ANXA4: variants seen among roughly 807,000 people sequenced by gnomAD.
ANXA4 encodes 35-beta calcimedin.
ANXA4 carries 39 observed loss-of-function variants against 49.8 expected under a neutral mutation model. The observed-to-expected ratio is 0.78, with a 90% confidence interval of 0.61 to 1.02. The LOEUF is 1.02. ANXA4 is among the 50% of genes least tolerant of loss of function. The pLI is 0.00. For missense variants in ANXA4, 360 were observed against 410.1 expected (o/e 0.88, Z 1.05); for synonymous variants, 134 against 152.5 (o/e 0.88, Z 0.89).
At chr2:69,690,629 T>C (rs1469664428) in intron 2 of ANXA4, among the ~76,000 whole-genome samples, 1 of 152,228 alleles carries the variant, frequency 6.6e-6, no homozygotes, top group East Asian at 1.9e-4. Flanking sequence ...GAGCAAAGGT[T>C]CTACATTTTT....
intron 2 of ANXA4, among the ~76,000 whole-genome samples, chr2:69,707,841 T>G (rs1176799663): frequency 4.6e-5 from 7 of 152,248 alleles, no homozygotes; most frequent in Admixed American, 4.6e-4. Flanking sequence ...TCTATTTTTT[T>G]GTACCCATTA....
At chr2:69,662,464 A>G (rs1343020533) in intron 2 of ANXA4, among the ~76,000 whole-genome samples, 1 of 152,004 alleles carries the variant, frequency 6.6e-6, no homozygotes, top group African/African-American at 2.4e-5. Flanking sequence ...GGTGCAAAGA[A>G]TTTGCAGCCA....
At chr2:69,786,068 A>G (rs1382194341) in intron 2 of ANXA4, among the ~76,000 whole-genome samples, 1 of 152,200 alleles carries the variant, frequency 6.6e-6, no homozygotes, top group African/African-American at 2.4e-5. Flanking sequence ...TCTTTTTGAC[A>G]ATTCCACTTG....
chr2:69,737,328 A>G (rs550960619), upstream of ANXA4, among the ~76,000 whole-genome samples: 1 of 152,244 alleles, frequency 6.6e-6, no homozygotes, highest in Admixed American at 6.5e-5. Context: ...GAGCACTTTC[A>G]ATGTGGAAAT....
At chr2:69,661,416 G>A (rs1676713529) in intron 2 of ANXA4, among the ~76,000 whole-genome samples, 1 of 152,056 alleles carries the variant, frequency 6.6e-6, no homozygotes. Context: ...GGCTGAGGAA[G>A]GAGGATTGCT....
chr2:69,738,460 C>G (rs1238744887), upstream of ANXA4, among the ~76,000 whole-genome samples: 1 of 152,098 alleles, frequency 6.6e-6, no homozygotes, highest in Non-Finnish European at 1.5e-5. Context: ...TAGCCCTAGT[C>G]TTGTGTTAAT....
intron 1 of ANXA4, among the ~76,000 whole-genome samples, chr2:69,751,139 A>G (rs1361197758): frequency 6.6e-6 from 1 of 152,148 alleles, no homozygotes; most frequent in African/African-American, 2.4e-5. Context: ...AATTTGCTCA[A>G]AGTTGCACAC....
upstream of ANXA4, among the ~76,000 whole-genome samples, chr2:69,644,165 T>TTCCCCCC (rs1553424953): frequency 1.9e-4 from 4 of 21,140 alleles, no homozygotes; most frequent in Non-Finnish European, 2.5e-4. Flanking sequence ...ACAACTAAGT[T>TTCCCCCC]CCCCCCCCCC....
chr2:69,806,545 T>C lies in ANXA4; in HGVS notation c.306+47T>C, dbSNP rs1673451425. 6.1e-6 allele frequency: 9 copies of C among 1,477,664 alleles called. No homozygotes were observed. In the South Asian group the frequency reaches 1.0e-4, roughly 17 times the overall value. The allele number at this position is 1,477,664 out of a possible 1,614,324, so 91.5% of individuals were successfully genotyped here. ...CTCTTGGTGCTGTTGGTGCAAACGC[T>C]GATGTGCTTTCTTAAGAAACTGTCA... On this transcript the variant is annotated intron_variant, in intron 5 of 12. Transcript: ENST00000394295.
chr2:69,800,691 G>T (rs1332469444), intron 3 of ANXA4, among the ~76,000 whole-genome samples: 2 of 152,142 alleles, frequency 1.3e-5, no homozygotes, highest in Admixed American at 6.5e-5. Flanking sequence ...AGAATTAAGG[G>T]ACAAGGTGTT....
intron 1 of ANXA4, among the ~76,000 whole-genome samples, chr2:69,748,326 C>A (rs1457611646): frequency 6.6e-6 from 1 of 151,526 alleles, no homozygotes; most frequent in African/African-American, 2.4e-5. Flanking sequence ...TTGCAGTGAG[C>A]CGAGATCACG....
intron 2 of ANXA4, among the ~76,000 whole-genome samples, chr2:69,659,750 A>C (rs1198560357): frequency 2.0e-5 from 3 of 152,188 alleles, no homozygotes; most frequent in Non-Finnish European, 2.9e-5. Flanking sequence ...ATGAGACTTT[A>C]AATGTAGAGC....
upstream of ANXA4, among the ~76,000 whole-genome samples, chr2:69,740,715 CT>C (rs1670368656): frequency 8.8e-6 from 1 of 114,128 alleles, no homozygotes; most frequent in African/African-American, 3.6e-5. Context: ...CAATGTCTCA[CT>C]CTGTCGCCCA....
intron 1 of ANXA4, among the ~76,000 whole-genome samples, chr2:69,749,192 G>A (rs76117576): frequency 0.019 from 2,826 of 152,280 alleles, 89 homozygotes; most frequent in African/African-American, 0.065. Flanking sequence ...TGTGTTGACA[G>A]ACTTTTGTCT....
At chr2:69,661,904 C>G (rs945368696) in intron 2 of ANXA4, among the ~76,000 whole-genome samples, 1 of 152,156 alleles carries the variant, frequency 6.6e-6, no homozygotes, top group Admixed American at 6.6e-5. Flanking sequence ...TGATTGGAAG[C>G]ATGTTCTCTG....
intron 3 of ANXA4, among the ~76,000 whole-genome samples, chr2:69,795,677 A>G (rs1456002979): frequency 1.3e-5 from 2 of 152,172 alleles, no homozygotes; most frequent in South Asian, 2.1e-4. Context: ...AGCTTGACCT[A>G]TTCTTCCTTG....
intron 2 of ANXA4, among the ~76,000 whole-genome samples, chr2:69,672,745 G>A (rs1478555493): frequency 6.6e-6 from 1 of 152,102 alleles, no homozygotes; most frequent in Non-Finnish European, 1.5e-5. Flanking sequence ...AAATGGGTTT[G>A]GGGAGAGGTT....
At chr2:69,804,152 A>C (rs948478476) in intron 3 of ANXA4, among the ~76,000 whole-genome samples, 1 of 151,508 alleles carries the variant, frequency 6.6e-6, no homozygotes, top group African/African-American at 2.4e-5. Context: ...AAAAAAAAAA[A>C]AAAAAAATAT....
intron 2 of ANXA4, among the ~76,000 whole-genome samples, chr2:69,675,761 T>G (rs1483805997): frequency 6.6e-6 from 1 of 152,058 alleles, no homozygotes; most frequent in Middle Eastern, 3.2e-3. Context: ...TAAAAATGGT[T>G]AAAATGAATC....
Sources: gnomAD v4.1 joint callset for allele counts (sites outside exome capture counted in the v4.1 genomes callset) on GRCh38, gnomAD v4.1.1 for gene constraint, MANE v1.5 for transcripts, NCBI Gene and HGNC (gene_info 2026-07-23, HGNC 2026-07-21) for gene names.